Variants in ZNF536 observed in about 807,000 individuals in gnomAD.
ZNF536 encodes zinc finger protein 536.
A neutral mutation model predicts 84.5 loss-of-function variants in ZNF536; 13 were observed. The observed-to-expected ratio is 0.15, with a 90% CI of 0.10 to 0.24. The LOEUF (loss-of-function observed/expected upper bound fraction) is 0.24. Among genes scored for constraint, ZNF536 ranks in the 10% least tolerant of loss-of-function variants. ZNF536 has a pLI of 1.00. For synonymous variants in ZNF536, 811 were observed against 742.5 expected, an observed-to-expected ratio of 1.09 and a Z score of -1.50; for missense variants, 1,536 against 1,747.5, an observed-to-expected ratio of 0.88 and a Z score of 2.16.
intron 1 of ZNF536, among the ~76,000 whole-genome samples, chr19:30,252,583 C>G (rs1267488581): frequency 6.9e-6 from 1 of 144,724 alleles, no homozygotes; most frequent in Non-Finnish European, 1.5e-5. Flanking sequence ...GAGACACCTG[C>G]CTACCATTTT....
intron 1 of ZNF536, among the ~76,000 whole-genome samples, chr19:30,664,788 C>T (rs1026814566): frequency 2.6e-5 from 4 of 152,186 alleles, no homozygotes; most frequent in Admixed American, 2.6e-4. Context: ...AGAGCGCTTT[C>T]TGCTATGAAG....
chr19:30,574,025 T>G (rs2046644008), intron 1 of ZNF536, among the ~76,000 whole-genome samples: 1 of 152,230 alleles, frequency 6.6e-6, no homozygotes, highest in Admixed American at 6.5e-5. Flanking sequence ...TGGATGATTC[T>G]TTTTAGTATT....
downstream of ZNF536, among the ~76,000 whole-genome samples, chr19:30,558,973 C>T (rs1377530978): frequency 2.6e-5 from 4 of 152,104 alleles, no homozygotes; most frequent in Non-Finnish European, 5.9e-5. Flanking sequence ...CCCTGGCCTC[C>T]GCAACAGGAC....
At position 30,445,004 on chromosome 19, in the gene ZNF536, C is replaced by G. The variant is rs752138319; in HGVS notation, c.1442C>G (p.Pro481Arg). The G allele has an allele frequency of 6.2e-7, 1 of 1,611,378 alleles. No homozygotes were observed. The highest frequency in any genetic ancestry group is 8.5e-7 in the Non-Finnish European group (1 of 1,178,714). Reference sequence around the variant, plus strand: ...ATCTCCAGCATGGCCCACGGCGTCCCGGAGGGGGACAAGCACTCCCTCCTG... The same window carrying G: ...ATCTCCAGCATGGCCCACGGCGTCCGGGAGGGGGACAAGCACTCCCTCCTG... ...SPISSMAHGV[P>R]EGDKHSLLGC... Residue 481 changes from proline to arginine, a missense_variant, in exon 2 of 5, where the codon CCG (proline) becomes CGG (arginine). Around this residue, in one of 8 missense-constraint regions of ZNF536, gnomAD observed 366 missense variants for 364.4 expected, o/e 1.00. Transcript: ENST00000355537. This position sits in a 1 kb window ranked among gnomAD's most constrained non-coding sequence, Gnocchi z 4.5.
At chr19:30,678,761 T>C (rs989801422) in intron 1 of ZNF536, among the ~76,000 whole-genome samples, 3 of 121,808 alleles carry the variant, frequency 2.5e-5, no homozygotes, top group Non-Finnish European at 4.9e-5. Flanking sequence ...ATACCCTTAC[T>C]GTTTAGGCTT....
chr19:30,613,529 CTG>C (rs1409141582), intron 1 of ZNF536, among the ~76,000 whole-genome samples: 6 of 152,158 alleles, frequency 3.9e-5, no homozygotes, highest in African/African-American at 1.4e-4. Flanking sequence ...AAATCCATGA[CTG>C]TCAATATTTT....
At chr19:30,425,553 G>A (rs1042425895) in intron 1 of ZNF536, among the ~76,000 whole-genome samples, 2 of 152,096 alleles carry the variant, frequency 1.3e-5, no homozygotes, top group Non-Finnish European at 1.5e-5. Flanking sequence ...CACTGGCCTT[G>A]TCCCCAGTGC....
At chr19:30,456,308 CTTTTTTTTT>C (rs11301441) in intron 2 of ZNF536, among the ~76,000 whole-genome samples, 1 of 108,092 alleles carries the variant, frequency 9.3e-6, no homozygotes, top group African/African-American at 3.4e-5. Context: ...TGTTTCTTTT[CTTTTTTTTT>C]TTTTTTTTTT....
rs140151117 is a variant in ZNF536 at position 30,519,880 on chromosome 19, G to A, written c.2171-14967G>A. Among the ~76,000 whole-genome samples, 973 of 152,370 alleles carry A rather than the reference G, an allele frequency of 6.4e-3. 9 individuals carry two copies. Among genetic ancestry groups the A allele is most frequent in the African/African-American group, 0.022 (914 of 41,586 alleles). On this transcript the variant is annotated intron_variant, in intron 2 of 4. Coordinates refer to ENST00000355537, the MANE Select transcript of ZNF536 (RefSeq NM_014717.3). ...TCAAAGAGGTGGCAGTTTGGTGGCA[G>A]AGACAGATATTAATCACACATATAC...
intron 2 of ZNF536, among the ~76,000 whole-genome samples, chr19:30,471,498 G>C (rs1396292552): frequency 6.6e-6 from 1 of 152,236 alleles, no homozygotes; most frequent in African/African-American, 2.4e-5. Context: ...AGTCCCATGA[G>C]ACTGGTCTTG....
At chr19:30,310,005 G>T (rs978280453) in intron 2 of ZNF536, among the ~76,000 whole-genome samples, 1 of 152,138 alleles carries the variant, frequency 6.6e-6, no homozygotes, top group African/African-American at 2.4e-5. Flanking sequence ...GAATGCAGAG[G>T]CTGCCCCATC....
At chr19:30,308,703 C>T (rs142461749) in intron 2 of ZNF536, among the ~76,000 whole-genome samples, 31 of 152,242 alleles carry the variant, frequency 2.0e-4, no homozygotes, top group African/African-American at 7.2e-4. Context: ...AGGGTTGCTC[C>T]TCTCCAGACA....
chr19:30,349,030 C>A (rs570749654), intron 2 of ZNF536, among the ~76,000 whole-genome samples: 1 of 152,182 alleles, frequency 6.6e-6, no homozygotes, highest in Non-Finnish European at 1.5e-5. Flanking sequence ...TCTGCCTCCA[C>A]CAAATGAGTG....
chr19:30,552,571 G>T (rs139519817), intron 4 of ZNF536, among the ~76,000 whole-genome samples: 2 of 152,324 alleles, frequency 1.3e-5, no homozygotes, highest in Non-Finnish European at 2.9e-5. Context: ...TTCTGTGGGT[G>T]ATACTCATAT....
At chr19:30,530,331 T>TTGTTGTTGTTG (rs774099039) in intron 2 of ZNF536, among the ~76,000 whole-genome samples, 9,990 of 151,404 alleles carry the variant, frequency 0.066, 436 homozygotes, top group Non-Finnish European at 0.1. Context: ...TCTCTGTCTT[T>TTGTTGTTGTTG]TTGTTGTTGT....
chr19:30,704,711 G>A (rs1233686322), intron 1 of ZNF536, among the ~76,000 whole-genome samples: 1 of 147,656 alleles, frequency 6.8e-6, no homozygotes, highest in Non-Finnish European at 1.5e-5. Flanking sequence ...GGGCTGCCTT[G>A]TCACCTCTGG....
At chr19:30,683,643 A>G (rs957301776) in intron 1 of ZNF536, among the ~76,000 whole-genome samples, 1 of 152,110 alleles carries the variant, frequency 6.6e-6, no homozygotes, top group African/African-American at 2.4e-5. Context: ...ATGTCCCTGT[A>G]AAGGGGAATG....
At chr19:30,658,558 C>T (rs1356331299) in intron 1 of ZNF536, among the ~76,000 whole-genome samples, 1 of 151,974 alleles carries the variant, frequency 6.6e-6, no homozygotes, top group Non-Finnish European at 1.5e-5. Flanking sequence ...CACACACACA[C>T]ACGCATACAC....
intron 1 of ZNF536, among the ~76,000 whole-genome samples, chr19:30,384,098 C>CTTTCTCTT (rs1445807219): frequency 0.038 from 3,252 of 86,384 alleles, 191 homozygotes; most frequent in Non-Finnish European, 0.052. Flanking sequence ...CCACCTCTTT[C>CTTTCTCTT]TCTTTCTTTC....
Sources: allele counts gnomAD v4.1 joint callset (sites outside exome capture counted in the v4.1 genomes callset), GRCh38; gene constraint gnomAD v4.1.1; regional missense constraint gnomAD v4.1.1; non-coding constraint Gnocchi (gnomAD v3.1); transcripts MANE v1.5; gene names NCBI Gene and HGNC (gene_info 2026-07-23, HGNC 2026-07-21).